ZNF717: variants seen among roughly 807,000 people sequenced by gnomAD.
ZNF717 encodes the protein zinc finger protein 717.
A neutral mutation model predicts 13.8 loss-of-function variants in ZNF717; 9 were observed. The ratio of observed to expected loss-of-function variants is 0.65; its 90% CI spans 0.39 to 1.14. The LOEUF (loss-of-function observed/expected upper bound fraction) is 1.14. ZNF717 is among the 50% of genes most tolerant of loss of function. ZNF717 has a pLI of 0.01. For missense variants in ZNF717, 1,040 were observed against 1,080.7 expected (o/e 0.96, Z 0.53); for synonymous variants, 327 against 364.1 (o/e 0.90, Z 1.16).
At position 75,737,503 on chromosome 3, in the gene ZNF717, T is replaced by A; in HGVS notation, c.2120A>T (p.Asn707Ile). The change falls in exon 5 of 5, where the codon AAT becomes ATT. Residue 707 changes from asparagine to isoleucine, a missense_variant. Asn to Ile is a moderately radical substitution (Grantham distance 149). This residue lies in a region of ZNF717 where 873 missense variants were observed against 832.8 expected (regional missense o/e 1.05). Coordinates refer to ENST00000652011, the MANE Select transcript of ZNF717 (RefSeq NM_001290208.3). ...TPGKSPMNVM[N>I]VENPFIRRQI... ...CCTTCTGATGAAAGGATTTTCCACA[T>A]TCATTACATTCATAGGGCTTTTCCC... is the stretch of plus-strand genomic sequence containing the variant. 1.3e-6 allele frequency: 2 copies of A among 1,554,260 alleles called. No homozygotes were observed. The highest frequency in any genetic ancestry group is 1.7e-6 in the Non-Finnish European group (2 of 1,148,472).
At chr3:75,783,205 C>T in intron 2 of ZNF717, 101 bp downstream of exon 2, 1 of 893,312 alleles carries the variant, frequency 1.1e-6, no homozygotes, top group Admixed American at 2.0e-5. Flanking sequence ...TTCCTTCAAC[C>T]TGAGTTTTAC....
At chr3:75,767,489 A>T (rs1943573357) in intron 2 of ZNF717, among the ~76,000 whole-genome samples, 1 of 152,388 alleles carries the variant, frequency 6.6e-6, no homozygotes, top group East Asian at 1.9e-4. Context: ...AAGCTACAAC[A>T]TGTGCCACAA....
chr3:75,766,720 A>G (rs1371196529), intron 2 of ZNF717, among the ~76,000 whole-genome samples: 1 of 152,286 alleles, frequency 6.6e-6, no homozygotes, highest in East Asian at 1.9e-4. Context: ...GTTGAGCACT[A>G]CCAAGACAGA....
At chr3:75,772,511 C>T (rs1023084787) in intron 2 of ZNF717, among the ~76,000 whole-genome samples, 1 of 152,236 alleles carries the variant, frequency 6.6e-6, no homozygotes, top group Non-Finnish European at 1.5e-5. Flanking sequence ...AGCTTCTGGG[C>T]ACCACTGCAT....
rs1190288603 is a variant in ZNF717 at position 75,781,550 on chromosome 3, G to A, written c.57+1756C>T. ...AAGTTGTGTTAACATGAATAGACTC[G>A]TCCTTAGATACCTAACCTTGTTTTT... On this transcript the variant is annotated intron_variant, in intron 2 of 4. Coordinates refer to ENST00000652011, the MANE Select transcript of ZNF717 (RefSeq NM_001290208.3). Among the ~76,000 whole-genome samples, 6 of 152,186 alleles carry A rather than the reference G, an allele frequency of 3.9e-5. No individual in the cohort carries two copies. The South Asian group carries it at 8.3e-4, about 21-fold the overall frequency.
chr3:75,703,665 T>G (rs1937741092), intron 6 of ZNF717, among the ~76,000 whole-genome samples: 1 of 152,412 alleles, frequency 6.6e-6, no homozygotes, highest in South Asian at 2.1e-4. Flanking sequence ...GAGAAATCTT[T>G]GAGGACTAAT....
chr3:75,719,284 CAA>C (rs58182512), intron 4 of ZNF717, among the ~76,000 whole-genome samples: 19 of 134,330 alleles, frequency 1.4e-4, no homozygotes, highest in Non-Finnish European at 1.3e-4. Context: ...CACCCTGTCT[CAA>C]AAAAAAAAAA....
downstream of ZNF717, among the ~76,000 whole-genome samples, chr3:75,728,927 G>A (rs1175186009): frequency 3.6e-5 from 4 of 111,772 alleles, no homozygotes; most frequent in Non-Finnish European, 6.5e-5. Flanking sequence ...GTGGGCAGAG[G>A]GGTGAGAACA....
chr3:75,738,503 T>C lies in ZNF717; in HGVS notation c.1120A>G (p.Lys374Glu). 3 of 1,531,050 alleles carry C rather than the reference T, an allele frequency of 2.0e-6. No individual in the cohort carries two copies. Among genetic ancestry groups the C allele is most frequent in the Non-Finnish European group, 2.6e-6 (3 of 1,132,314 alleles). The allele number at this position is 1,531,050 out of a possible 1,614,324, so 94.8% of individuals were successfully genotyped here. A position where few individuals can be genotyped will look rare whatever the true frequency, so the allele number is the denominator to read the frequency against. ...AGAAGTGACTTACAGTGAAAAGTTT[T>C]TCCACATTCAATACATTTGTAGGGT... ...DKPYKCIECG[K>E]TFHCKSLLTL... Residue 374 changes from lysine (K) to glutamate (E), a missense_variant, in exon 5 of 5, where the codon AAA (lysine) becomes GAA (glutamate). Coordinates refer to ENST00000652011, the MANE Select transcript of ZNF717 (RefSeq NM_001290208.3).
At chr3:75,722,845 A>G (rs1327599752) in intron 4 of ZNF717, among the ~76,000 whole-genome samples, 3 of 127,764 alleles carry the variant, frequency 2.3e-5, no homozygotes, top group Non-Finnish European at 5.5e-5. Flanking sequence ...TTGGCCAACT[A>G]TTGTTCTTCT....
intron 2 of ZNF717, among the ~76,000 whole-genome samples, chr3:75,760,718 GATCTC>G: frequency 6.7e-6 from 1 of 149,484 alleles, no homozygotes; most frequent in East Asian, 2.0e-4. Flanking sequence ...AAAGAAGAAA[GATCTC>G]AAATCAATAA....
chr3:75,749,072 C>T (rs1489890043), intron 2 of ZNF717, among the ~76,000 whole-genome samples: 4 of 151,900 alleles, frequency 2.6e-5, no homozygotes, highest in Non-Finnish European at 4.4e-5. Context: ...TTGTCCATCA[C>T]GTAAGATTCC....
chr3:75,744,944 A>G, intron 2 of ZNF717, among the ~76,000 whole-genome samples: 1 of 152,074 alleles, frequency 6.6e-6, no homozygotes, highest in Non-Finnish European at 1.5e-5. Flanking sequence ...GTGGAAAATT[A>G]ATTAAACAGA....
chr3:75,768,603 A>AG (rs1380245104), intron 2 of ZNF717, among the ~76,000 whole-genome samples: 1 of 74,564 alleles, frequency 1.3e-5, no homozygotes, highest in South Asian at 4.7e-4. Context: ...TGAGTGTGGG[A>AG]GGGGGGTAGA....
chr3:75,744,720 T>C (rs1403801770), intron 2 of ZNF717, among the ~76,000 whole-genome samples: 2 of 144,964 alleles, frequency 1.4e-5, no homozygotes, highest in Non-Finnish European at 2.9e-5. Context: ...GACAAACACC[T>C]GACAAAACTC....
chr3:75,765,626 G>C (rs1444044498), intron 2 of ZNF717, among the ~76,000 whole-genome samples: 2 of 150,862 alleles, frequency 1.3e-5, no homozygotes, highest in Non-Finnish European at 3.0e-5. Context: ...GTTGCAGGCT[G>C]GTCTCCACCT....
At chr3:75,748,420 C>T (rs1941374441) in intron 2 of ZNF717, among the ~76,000 whole-genome samples, 1 of 152,176 alleles carries the variant, frequency 6.6e-6, no homozygotes, top group African/African-American at 2.4e-5. Flanking sequence ...CCCTGATGAA[C>T]ATCAATGCGA....
chr3:75,717,676 T>C (rs1938083190), intron 4 of ZNF717, among the ~76,000 whole-genome samples: 1 of 152,082 alleles, frequency 6.6e-6, no homozygotes. Flanking sequence ...TCTTCCAAGG[T>C]GGAGGCCCAC....
Position 75,738,865 on chromosome 3 carries a change from A to G in ZNF717, c.758T>C (p.Val253Ala), listed in dbSNP as rs1325029365. 8 of 1,551,468 alleles carry G rather than the reference A, an allele frequency of 5.2e-6. No individual in the cohort carries two copies. In the East Asian group the frequency reaches 1.5e-4, roughly 28 times the overall value. Residue 253 changes from valine (V) to alanine (A), a missense_variant, in exon 5 of 5, where the codon GTC becomes GCC. Physicochemically the swap from Val to Ala is moderately conservative, Grantham distance 64. Coordinates refer to ENST00000652011, the MANE Select transcript of ZNF717 (RefSeq NM_001290208.3). ...EKACNNSAVI[V>A]QVITQVGQPT... ...CTGTCCTACCTGAGTTATCACTTGG[A>G]CAATAACAGCTGAGTTATTACAGGC... is the stretch of plus-strand genomic sequence containing the variant.
Sources: gnomAD v4.1 joint callset for allele counts (sites outside exome capture counted in the v4.1 genomes callset) on GRCh38, gnomAD v4.1.1 for gene constraint, gnomAD v4.1.1 regional missense constraint, MANE v1.5 for transcripts, NCBI Gene and HGNC (gene_info 2026-07-23, HGNC 2026-07-21) for gene names.